KDM4C: variants seen among roughly 807,000 people sequenced by gnomAD.
KDM4C encodes lysine-specific demethylase 4C.
A neutral mutation model predicts 129.3 loss-of-function variants in KDM4C; 81 were observed. That is an observed-to-expected ratio of 0.63 (90% CI 0.52 to 0.75). KDM4C has a LOEUF of 0.75. Ranked by LOEUF, KDM4C falls within the 30% of genes least tolerant of loss-of-function variation. The probability of loss-of-function intolerance (pLI) is 0.00; values close to 1 mark genes in which losing one functional copy is unlikely to be tolerated. For synonymous variants in KDM4C, 573 were observed against 456.1 expected (o/e 1.26, Z -3.26); for missense variants, 1,457 against 1,304.0 (o/e 1.12, Z -1.81).
intron 17 of KDM4C, among the ~76,000 whole-genome samples, chr9:7,058,153 A>G (rs1284101125): frequency 6.6e-6 from 1 of 152,234 alleles, no homozygotes; most frequent in African/African-American, 2.4e-5. Flanking sequence ...AGGGGCCAGC[A>G]GTCAGAAGAG....
chr9:6,890,549 G>A (rs1845973344), intron 7 of KDM4C, among the ~76,000 whole-genome samples: 1 of 151,876 alleles, frequency 6.6e-6, no homozygotes, highest in Admixed American at 6.6e-5. Flanking sequence ...CTTCTTTTAT[G>A]GTATGAGATT....
chr9:7,085,176 C>T (rs951097222), intron 17 of KDM4C, among the ~76,000 whole-genome samples: 1 of 152,166 alleles, frequency 6.6e-6, no homozygotes, highest in African/African-American at 2.4e-5. Flanking sequence ...CAGGAAGGGG[C>T]ATTGGAGCCC....
chr9:7,098,021 G>A (rs936154267), intron 17 of KDM4C, among the ~76,000 whole-genome samples: 6 of 152,230 alleles, frequency 3.9e-5, no homozygotes, highest in African/African-American at 1.4e-4. Flanking sequence ...TCCTTGTAAT[G>A]TATCTGTTGA....
intron 1 of KDM4C, among the ~76,000 whole-genome samples, chr9:6,728,858 A>G (rs1378390865): frequency 6.6e-6 from 1 of 151,956 alleles, no homozygotes; most frequent in Non-Finnish European, 1.5e-5. Flanking sequence ...AAAACAAAAC[A>G]AAACAAACAA....
intron 8 of KDM4C, among the ~76,000 whole-genome samples, chr9:6,947,506 C>T (rs189625402): frequency 8.6e-5 from 13 of 151,994 alleles, no homozygotes; most frequent in Non-Finnish European, 2.9e-5. Flanking sequence ...TTGTTTTATG[C>T]TCAGAAAGGC....
At chr9:6,803,640 A>G (rs1829421746) in intron 2 of KDM4C, among the ~76,000 whole-genome samples, 1 of 151,456 alleles carries the variant, frequency 6.6e-6, no homozygotes. Flanking sequence ...GGCCAGGTGC[A>G]GTGACTATTG....
chr9:6,765,584 T>G (rs1370352969), intron 1 of KDM4C, among the ~76,000 whole-genome samples: 1 of 152,218 alleles, frequency 6.6e-6, no homozygotes, highest in South Asian at 2.1e-4. Context: ...CACTGTTCCC[T>G]CACTAGCACT....
intron 4 of KDM4C, among the ~76,000 whole-genome samples, chr9:6,832,110 G>C (rs1038833146): frequency 3.3e-5 from 5 of 152,004 alleles, no homozygotes; most frequent in Non-Finnish European, 7.4e-5. Context: ...AGTCTGAGGC[G>C]GGTGGATCAC....
chr9:6,827,486 C>T (rs58042644), intron 4 of KDM4C, among the ~76,000 whole-genome samples: 19,858 of 151,708 alleles, frequency 0.13, 1,675 homozygotes, highest in African/African-American at 0.23. Context: ...GGCATTTAAC[C>T]TATAGACTTT....
chr9:7,150,521 G>A (rs183732023), intron 19 of KDM4C, among the ~76,000 whole-genome samples: 2 of 152,296 alleles, frequency 1.3e-5, no homozygotes, highest in South Asian at 2.1e-4. Flanking sequence ...AAATGTCTCC[G>A]AGAGGGCTGG....
At chr9:7,004,366 A>G (rs756725229) in intron 12 of KDM4C, among the ~76,000 whole-genome samples, 2 of 152,226 alleles carry the variant, frequency 1.3e-5, no homozygotes, top group Admixed American at 6.5e-5. Flanking sequence ...TTAAGATGAC[A>G]TATTTTTATA....
At chr9:6,789,522 G>A (rs1256612812) in intron 1 of KDM4C, among the ~76,000 whole-genome samples, 2 of 151,664 alleles carry the variant, frequency 1.3e-5, no homozygotes, top group African/African-American at 4.8e-5. Flanking sequence ...GCCCGGCCAC[G>A]CCCAGCAAAT....
At chr9:6,723,753 C>T (rs546432009) in intron 1 of KDM4C, 1 of 152,236 alleles carries the variant, frequency 6.6e-6, no homozygotes, top group East Asian at 1.9e-4. Flanking sequence ...ATGAAGCTAC[C>T]ATGACCTACC....
intron 4 of KDM4C, among the ~76,000 whole-genome samples, chr9:6,840,042 T>G (rs1439652548): frequency 6.6e-6 from 1 of 152,082 alleles, no homozygotes; most frequent in Non-Finnish European, 1.5e-5. Flanking sequence ...GATGATACAT[T>G]TGCTGTTGAG....
At position 6,766,599 on chromosome 9, in the gene KDM4C, G is replaced by A. The variant is rs145724866; in HGVS notation, c.-18+8396G>A. Among the ~76,000 whole-genome samples, 902 of 152,040 alleles carry A rather than the reference G, an allele frequency of 5.9e-3. 14 individuals are homozygous for A. The highest frequency in any genetic ancestry group is 0.019 in the African/African-American group (806 of 41,460). On this transcript the variant is annotated intron_variant, in intron 1 of 21. Coordinates refer to ENST00000381309, the MANE Select transcript of KDM4C (RefSeq NM_015061.6). Reference sequence around the variant, plus strand: ...TTGGAAGACTAATGTCTTCAGTGTGGTTCCCTAATTAAACTGGCAAGAAGA... The same window carrying A: ...TTGGAAGACTAATGTCTTCAGTGTGATTCCCTAATTAAACTGGCAAGAAGA...
At chr9:6,757,404 C>A (rs1276602287), upstream of KDM4C, among the ~76,000 whole-genome samples, 1 of 152,220 alleles carries the variant, frequency 6.6e-6, no homozygotes, top group East Asian at 1.9e-4. Flanking sequence ...CAGAGGCTGA[C>A]ACGCTCCTGC....
At chr9:7,016,518 C>T (rs1823725118) in intron 15 of KDM4C, among the ~76,000 whole-genome samples, 1 of 150,272 alleles carries the variant, frequency 6.7e-6, no homozygotes, top group East Asian at 2.0e-4. Context: ...CCTCCGCCTC[C>T]CAGGTTAAGC....
chr9:6,936,359 A>G (rs62533818), intron 8 of KDM4C, among the ~76,000 whole-genome samples: 38,908 of 152,164 alleles, frequency 0.26, 5,426 homozygotes, highest in South Asian at 0.4. Context: ...ATGGGTATAC[A>G]TGTATACAAA....
intron 1 of KDM4C, among the ~76,000 whole-genome samples, chr9:6,747,270 G>A (rs1817914260): frequency 6.6e-6 from 1 of 151,696 alleles, no homozygotes; most frequent in Non-Finnish European, 1.5e-5. Flanking sequence ...ATAGATGGCC[G>A]GGCACTGTGG....
Sources: allele counts gnomAD v4.1 joint callset (sites outside exome capture counted in the v4.1 genomes callset), GRCh38; gene constraint gnomAD v4.1.1; transcripts MANE v1.5; gene names NCBI Gene and HGNC (gene_info 2026-07-23, HGNC 2026-07-21).